CATSPERD: variants seen among roughly 807,000 people sequenced by gnomAD.
The protein encoded by CATSPERD is cation channel sperm-associated auxiliary subunit delta.
Under a neutral mutation model 98.1 loss-of-function variants are expected in CATSPERD, and 86 were observed. That is an observed-to-expected ratio of 0.88 (90% confidence interval 0.74 to 1.05). The LOEUF (loss-of-function observed/expected upper bound fraction) is 1.05, where lower values mean the gene tolerates loss of function less well. Ranked by LOEUF, CATSPERD falls within the 50% of genes least tolerant of loss-of-function variation. The pLI, the probability that CATSPERD is intolerant of heterozygous loss-of-function variation, is 0.00. For synonymous variants in CATSPERD, 394 were observed against 390.2 expected, an observed-to-expected ratio of 1.01 and a Z score of -0.12; for missense variants, 995 against 1,005.7, an observed-to-expected ratio of 0.99 and a Z score of 0.14.
Position 5,733,946 on chromosome 19 carries a change from A to G in CATSPERD, c.367A>G (p.Asn123Asp). 6.2e-7 allele frequency: 1 copy of G among 1,605,160 alleles called. No homozygotes were observed. The highest frequency in any genetic ancestry group is 8.5e-7 in the Non-Finnish European group (1 of 1,175,166). ...DQKVYIYDYE[N>D]NSWSMSLGIK... ...AAAAGTCTATATTTATGATTATGAA[A>G]ATAATTCTTGGAGCATGTCTTTAGG... The change falls in exon 5 of 22, where the codon AAT becomes GAT. Residue 123 changes from asparagine (N) to aspartate (D), a missense_variant. Asn to Asp is a conservative substitution (Grantham distance 23). Transcript: ENST00000381624.
At chr19:5,725,362 G>A (rs2055584345) in intron 2 of CATSPERD, among the ~76,000 whole-genome samples, 1 of 152,072 alleles carries the variant, frequency 6.6e-6, no homozygotes, top group African/African-American at 2.4e-5. Flanking sequence ...TGTTGCCCAG[G>A]CTGGTCTCGA....
intron 7 of CATSPERD, 124 bp downstream of exon 7, chr19:5,739,563 G>GTAATT (rs771880893): frequency 6.5e-5 from 37 of 573,378 alleles, no homozygotes; most frequent in Non-Finnish European, 1.1e-4. Flanking sequence ...CAGGAGTGGT[G>GTAATT]GCTCATGCCT....
chr19:5,753,027 CAAAA>C (rs139627967), intron 12 of CATSPERD, among the ~76,000 whole-genome samples: 4 of 98,952 alleles, frequency 4.0e-5, no homozygotes, highest in Admixed American at 1.2e-4. Context: ...GACTCCATGT[CAAAA>C]AAAAAAAAAA....
At chr19:5,768,288 T>G in intron 18 of CATSPERD, 46 bp downstream of exon 18, 1 of 1,513,460 alleles carries the variant, frequency 6.6e-7, no homozygotes, top group Non-Finnish European at 9.1e-7. Context: ...AGGCGACCAT[T>G]GGGCCTGCAA....
In CATSPERD at chr19:5,763,269, T is replaced by C. The variant is rs771781567; in HGVS notation, c.1482T>C (p.Ile494=). The C allele has an allele frequency of 5.6e-6, 9 of 1,613,934 alleles. No individual in the cohort carries two copies. The highest frequency in any genetic ancestry group is 7.6e-6 in the Non-Finnish European group (9 of 1,179,952). The change falls in exon 16 of 22, where the codon ATT becomes ATC. Residue 494 remains isoleucine (I), a synonymous_variant. Transcript: ENST00000381624. Reference sequence around the variant, plus strand: ...CTGTGGACATAGCAAACAAGGAAATTTCATGTGTGGATATCAAGCCACTGG... The same window carrying C: ...CTGTGGACATAGCAAACAAGGAAATCTCATGTGTGGATATCAAGCCACTGG... The part of the protein sequence containing the change: ...TLTVDIANKE[I]SCVDIKPLST...
At chr19:5,754,391 GTCT>G in intron 13 of CATSPERD, 146 bp downstream of exon 13, 4 of 273,746 alleles carry the variant, frequency 1.5e-5, no homozygotes, top group Admixed American at 6.5e-5. Context: ...TTGTCTCTGT[GTCT>G]TTTTTTTTTT....
intron 10 of CATSPERD, among the ~76,000 whole-genome samples, chr19:5,748,583 C>T (rs1197284552): frequency 7.1e-6 from 1 of 141,518 alleles, no homozygotes; most frequent in African/African-American, 2.7e-5. Flanking sequence ...GTGAGCAGAT[C>T]GCACCATGGC....
chr19:5,739,842 A>AAAAAAGAAAAAAAG (rs1555719760), intron 7 of CATSPERD, among the ~76,000 whole-genome samples: 2 of 132,984 alleles, frequency 1.5e-5, no homozygotes, highest in Non-Finnish European at 3.1e-5. Context: ...TCATCTCAAA[A>AAAAAAGAAAAAAAG]AAAAAAAAAA....
At chr19:5,766,289 GAAAA>G in intron 17 of CATSPERD, 134 bp downstream of exon 17, 7 of 241,610 alleles carry the variant, frequency 2.9e-5, no homozygotes, top group East Asian at 7.7e-5. Context: ...CGTCTCTACT[GAAAA>G]AAAAAAAAAA....
chr19:5,744,076 T>C (rs2056049028), intron 7 of CATSPERD, among the ~76,000 whole-genome samples: 1 of 151,952 alleles, frequency 6.6e-6, no homozygotes, highest in Non-Finnish European at 1.5e-5. Context: ...GCCTCCCGGG[T>C]TCAAGTGATT....
At chr19:5,731,277 C>A (rs1346844772) in intron 4 of CATSPERD, among the ~76,000 whole-genome samples, 1 of 151,844 alleles carries the variant, frequency 6.6e-6, no homozygotes, top group African/African-American at 2.4e-5. Flanking sequence ...CCTAGGAGTT[C>A]AGGACTACCC....
Position 5,744,505 on chromosome 19 carries a change from G to T in CATSPERD, c.652G>T (p.Gly218Trp). Reference sequence around the variant, plus strand: ...GGTTGCGATGCTTGTAGTGAATCAAGGGAAGGTAAGTAACTGCAGAGGGAA... The same window carrying T: ...GGTTGCGATGCTTGTAGTGAATCAATGGAAGGTAAGTAACTGCAGAGGGAA... ...SQVAMLVVNQ[G>W]KGMFKYSDHP... The change falls in exon 8 of 22, where the codon GGG becomes TGG. Residue 218 changes from glycine (G) to tryptophan (W), a missense_variant. Physicochemically the swap from Gly to Trp is radical, Grantham distance 184. Coordinates refer to ENST00000381624, the MANE Select transcript of CATSPERD (RefSeq NM_152784.4). 1.2e-6 allele frequency: 2 copies of T among 1,611,264 alleles called. No homozygotes were observed. The highest frequency in any genetic ancestry group is 2.2e-5 in the South Asian group (2 of 90,974).
intron 18 of CATSPERD, 40 bp from the exon 19 acceptor site, chr19:5,770,904 A>T: frequency 6.4e-7 from 1 of 1,567,566 alleles, no homozygotes; most frequent in Non-Finnish European, 8.6e-7. Flanking sequence ...CTGGGCAGGA[A>T]CTCACAGACT....
chr19:5,751,197 C>CAAAA lies in CATSPERD; in HGVS notation c.988-408_988-405dup. ...CAGGCGACAGAACAAGATTCCGTCT[C>CAAAA]AAAAAAAAAAAAAAAAAAAAAAAAA... is the stretch of plus-strand genomic sequence containing the variant. On this transcript the variant is annotated intron_variant, in intron 11 of 21. Coordinates refer to ENST00000381624, the MANE Select transcript of CATSPERD (RefSeq NM_152784.4). Among the ~76,000 whole-genome samples, 42 of 46,626 alleles carry CAAAA rather than the reference C, an allele frequency of 9.0e-4. 1 individual carries two copies. The highest frequency in any genetic ancestry group is 1.3e-3 in the Non-Finnish European group (33 of 25,858). The allele number at this position is 46,626 out of a possible 152,430, so 30.6% of individuals were successfully genotyped here. A position where few individuals can be genotyped will look rare whatever the true frequency, so the allele number is the denominator to read the frequency against.
intron 15 of CATSPERD, 72 bp from the exon 16 acceptor site, chr19:5,763,143 G>T (rs1395598286): frequency 8.9e-7 from 1 of 1,124,868 alleles, no homozygotes; most frequent in African/African-American, 1.5e-5. Context: ...TGGACTGAAG[G>T]ATGAATGGAA....
rs2145815396 is a variant in CATSPERD, at chr19:5,759,101, C to G, written c.1384C>G (p.Gln462Glu). 1 of 1,613,732 alleles carries G rather than the reference C, an allele frequency of 6.2e-7. No homozygotes were observed. The highest frequency in any genetic ancestry group is 2.2e-5 in the East Asian group (1 of 44,860). ...GACCCCACAGGATATTTTCCTAAAA[C>G]AGCAGCAGCACTGGGGCAGGACCGA... ...TKYKLDIFLKQQQHWGRTDSN... is the reference protein window; with the variant it reads ...TKYKLDIFLKEQQHWGRTDSN... The change falls in exon 15 of 22, where the codon CAG becomes GAG. Residue 462 changes from glutamine (Q) to glutamate (E), a missense_variant. By Grantham distance (29) the Gln-to-Glu change is conservative. Transcript: ENST00000381624.
At position 5,750,099 on chromosome 19, in the gene CATSPERD, C is replaced by T. The variant is rs998079823; in HGVS notation, c.987+916C>T. Among the ~76,000 whole-genome samples the T allele has an allele frequency of 1.1e-4, 16 of 150,152 alleles. No individual in the cohort carries two copies. In the East Asian group the frequency reaches 1.8e-3, roughly 17 times the overall value. On this transcript the variant is annotated intron_variant, in intron 11 of 21. Coordinates refer to ENST00000381624, the MANE Select transcript of CATSPERD (RefSeq NM_152784.4). ...GATTACAGTCGTGAGCCACCGCGCC[C>T]GGCCGAAACTCTGTTTCTTAAAAAT...
chr19:5,751,984 C>T (rs2056230388), intron 12 of CATSPERD, among the ~76,000 whole-genome samples, 161 bp downstream of exon 12: 2 of 151,814 alleles, frequency 1.3e-5, no homozygotes, highest in South Asian at 4.2e-4. Flanking sequence ...GCAACATACA[C>T]CCATTTCTAA....
At chr19:5,726,389 C>A (rs563782515) in intron 2 of CATSPERD, among the ~76,000 whole-genome samples, 2 of 151,802 alleles carry the variant, frequency 1.3e-5, no homozygotes, top group African/African-American at 4.8e-5. Flanking sequence ...TTTAAATTAT[C>A]ATTTCTTTTA....
Sources: gnomAD v4.1 joint callset for allele counts (sites outside exome capture counted in the v4.1 genomes callset) on GRCh38, gnomAD v4.1.1 for gene constraint, MANE v1.5 for transcripts, NCBI Gene and HGNC (gene_info 2026-07-23, HGNC 2026-07-21) for gene names.